Variants in ZNF626 observed in about 807,000 individuals in gnomAD.
The protein encoded by ZNF626 is zinc finger protein 626, also known as CTC-513N18.7.
A neutral mutation model predicts 11.7 loss-of-function variants in ZNF626; 4 were observed. The observed-to-expected ratio is 0.34, with a 90% confidence interval of 0.17 to 0.78. The LOEUF is 0.78. ZNF626 is among the 30% of genes least tolerant of loss of function. The probability of loss-of-function intolerance (pLI) is 0.57; values close to 1 mark genes in which losing one functional copy is unlikely to be tolerated. For synonymous variants in ZNF626, 179 were observed against 198.6 expected (o/e 0.90, Z 0.83); for missense variants, 588 against 587.1 (o/e 1.00, Z -0.01).
chr19:20,646,839 G>GATTGATTTATTT (rs1970084842), intron 1 of ZNF626, among the ~76,000 whole-genome samples: 1 of 151,726 alleles, frequency 6.6e-6, no homozygotes, highest in African/African-American at 2.4e-5. Flanking sequence ...AATAAAGTCT[G>GATTGATTTATTT]ATTTATTTAT....
In ZNF626 at chr19:20,637,018, C is replaced by CAAAAAA. The variant is rs74172354; in HGVS notation, c.226+8660_226+8665dup. On this transcript the variant is annotated intron_variant, in intron 3 of 3. Coordinates refer to ENST00000601440, the MANE Select transcript of ZNF626 (RefSeq NM_001076675.3). ...CCTGTGACAGAGAAAGACTCCATCTCAAAAAAAAAAAAAAAAAAAAGGCCC... is the reference window on the plus strand; with the variant it reads ...CCTGTGACAGAGAAAGACTCCATCTCAAAAAAAAAAAAAAAAAAAAAAAAAAGGCCC... Among the ~76,000 whole-genome samples, 104 of 58,714 alleles carry CAAAAAA rather than the reference C, an allele frequency of 1.8e-3. 6 individuals carry two copies. The highest frequency in any genetic ancestry group is 4.0e-3 in the African/African-American group (61 of 15,436). The allele number at this position is 58,714 out of a possible 152,430, so 38.5% of individuals were successfully genotyped here.
At chr19:20,629,285 G>A (rs1346303595) in intron 3 of ZNF626, among the ~76,000 whole-genome samples, 1 of 152,066 alleles carries the variant, frequency 6.6e-6, no homozygotes, top group Non-Finnish European at 1.5e-5. Context: ...GGTTTCATAT[G>A]AACTTTAAAG....
intron 1 of ZNF626, among the ~76,000 whole-genome samples, chr19:20,652,250 T>TCCC (rs756669852): frequency 2.3e-4 from 32 of 139,810 alleles, no homozygotes; most frequent in African/African-American, 7.5e-4. Flanking sequence ...GAAGGAGAGA[T>TCCC]CCCCCCCATA....
chr19:20,648,714 AAC>A (rs2144787452), intron 1 of ZNF626, among the ~76,000 whole-genome samples: 1 of 152,258 alleles, frequency 6.6e-6, no homozygotes, highest in Non-Finnish European at 1.5e-5. Context: ...GAGCTAATGG[AAC>A]ACACAGCTGG....
At chr19:20,640,209 T>A (rs1368471829) in intron 3 of ZNF626, among the ~76,000 whole-genome samples, 10 of 129,146 alleles carry the variant, frequency 7.7e-5, no homozygotes, top group African/African-American at 3.2e-4. Context: ...AATTTTTTAA[T>A]ATTAAATTCA....
chr19:20,640,617 C>G (rs563322452), intron 3 of ZNF626, among the ~76,000 whole-genome samples: 51 of 147,446 alleles, frequency 3.5e-4, no homozygotes, highest in African/African-American at 1.2e-3. Flanking sequence ...TGAGAAAAAG[C>G]ATTTGAAAGG....
At chr19:20,660,589 T>C (rs1051573314) in intron 1 of ZNF626, among the ~76,000 whole-genome samples, 3 of 151,958 alleles carry the variant, frequency 2.0e-5, no homozygotes, top group South Asian at 2.1e-4. Flanking sequence ...AACACGCCGA[T>C]AGTTTTCGTA....
chr19:20,640,235 AAATTATTAATTTTAATT>A (rs1555771292), intron 3 of ZNF626, among the ~76,000 whole-genome samples: 148 of 48,268 alleles, frequency 3.1e-3, no homozygotes, highest in African/African-American at 0.017. Flanking sequence ...TTAAATAATT[AAATTATTAATTTTAATT>A]ATTAAAATTA....
At chr19:20,650,476 T>A (rs1304496037) in intron 1 of ZNF626, among the ~76,000 whole-genome samples, 4 of 152,156 alleles carry the variant, frequency 2.6e-5, no homozygotes, top group Non-Finnish European at 4.4e-5. Context: ...CTATAACACA[T>A]AATTTATTTT....
At position 20,623,789 on chromosome 19, in the gene ZNF626, A is replaced by C. The variant is rs1451117679; in HGVS notation, c.*501T>G. On this transcript the variant is annotated 3_prime_UTR_variant, in exon 4 of 4. Transcript: ENST00000601440. ...ACACCAGACTGGGTGACAAGAGTTG[A>C]AACTCCATCTCAAAAAAAAAAAAAA... is the stretch of plus-strand genomic sequence containing the variant. 2 of 228,290 alleles carry C rather than the reference A, an allele frequency of 8.8e-6. No homozygotes were observed. Among genetic ancestry groups the C allele is most frequent in the Admixed American group, 6.4e-5 (1 of 15,522 alleles). 14.1% of individuals were successfully genotyped at this position (228,290 alleles called of 1,614,324 possible). A position where few individuals can be genotyped will look rare whatever the true frequency, so the allele number is the denominator to read the frequency against.
In ZNF626 at chr19:20,645,672, A is replaced by C. The variant is rs1970068479; in HGVS notation, c.226+12T>G. The C allele has an allele frequency of 6.2e-7, 1 of 1,605,258 alleles. No homozygotes were observed. Among genetic ancestry groups the C allele is most frequent in the Non-Finnish European group, 8.5e-7 (1 of 1,177,894 alleles). On this transcript the variant is annotated intron_variant, in intron 3 of 3. Coordinates refer to ENST00000601440, the MANE Select transcript of ZNF626 (RefSeq NM_001076675.3). Reference sequence around the variant, plus strand: ...TGTGTCATCTGTTGTATTCATTTTCACTCACACCTACCTGAGGGTTTGGCT... The same window carrying C: ...TGTGTCATCTGTTGTATTCATTTTCCCTCACACCTACCTGAGGGTTTGGCT...
At chr19:20,632,222 T>C (rs1330830793) in intron 3 of ZNF626, among the ~76,000 whole-genome samples, 4 of 152,218 alleles carry the variant, frequency 2.6e-5, no homozygotes, top group Non-Finnish European at 5.9e-5. Context: ...GCTCTTAACA[T>C]TTTTTCCTTC....
chr19:20,639,778 CTGTG>C (rs1347735400), intron 3 of ZNF626, among the ~76,000 whole-genome samples: 1 of 152,162 alleles, frequency 6.6e-6, no homozygotes, highest in African/African-American at 2.4e-5. Context: ...AAATTACACA[CTGTG>C]TGTTTTCTAA....
chr19:20,625,446 A>AT lies in ZNF626; in HGVS notation c.430dup (p.Ile144AsnfsTer5). 6.2e-7 allele frequency: 1 copy of AT among 1,613,960 alleles called. No homozygotes were observed. The highest frequency in any genetic ancestry group is 8.5e-7 in the Non-Finnish European group (1 of 1,179,990). On this transcript the variant is annotated frameshift_variant, in exon 4 of 4. Transcript: ENST00000601440. LOFTEE classifies it low-confidence loss of function (END_TRUNC). Reference sequence around the variant, plus strand: ...TTTCACATATTTATCACATTGACATATTTTTCTTGGGGTAGTTGTCAAACA... The same window carrying AT: ...TTTCACATATTTATCACATTGACATATTTTTTCTTGGGGTAGTTGTCAAACA...
intron 1 of ZNF626, among the ~76,000 whole-genome samples, chr19:20,656,021 C>A (rs1472767561): frequency 6.6e-6 from 1 of 151,760 alleles, no homozygotes; most frequent in Non-Finnish European, 1.5e-5. Context: ...GAAATTAGCA[C>A]ACTGTATGCA....
At chr19:20,642,873 T>C (rs1381269690) in intron 3 of ZNF626, among the ~76,000 whole-genome samples, 4 of 151,654 alleles carry the variant, frequency 2.6e-5, no homozygotes, top group African/African-American at 9.7e-5. Flanking sequence ...TTACCAGGCA[T>C]AGTGGCACAT....
At chr19:20,627,052 T>C (rs566549681) in intron 3 of ZNF626, among the ~76,000 whole-genome samples, 12 of 151,424 alleles carry the variant, frequency 7.9e-5, no homozygotes, top group African/African-American at 2.9e-4. Flanking sequence ...TTGAATAACA[T>C]TAGGTAAGTG....
At chr19:20,646,460 A>G (rs1970079975) in intron 1 of ZNF626, 55 bp from the exon 2 acceptor site, 3 of 1,612,404 alleles carry the variant, frequency 1.9e-6, no homozygotes, top group Admixed American at 3.3e-5. Context: ...GGAATTTTTA[A>G]TTTGACTTAA....
intron 1 of ZNF626, among the ~76,000 whole-genome samples, chr19:20,656,297 T>G (rs1398618518): frequency 1.3e-5 from 2 of 151,924 alleles, no homozygotes; most frequent in African/African-American, 4.8e-5. Flanking sequence ...TCAAGATAAA[T>G]TAAAGACTTA....
Sources: allele counts gnomAD v4.1 joint callset (sites outside exome capture counted in the v4.1 genomes callset), GRCh38; gene constraint gnomAD v4.1.1; transcripts MANE v1.5; gene names NCBI Gene and HGNC (gene_info 2026-07-23, HGNC 2026-07-21).